Variants in ST7 observed in about 807,000 individuals in gnomAD.
ST7 encodes the protein suppressor of tumorigenicity 7 protein.
ST7 carries 28 observed loss-of-function variants against 78.7 expected under a neutral mutation model. That is an observed-to-expected ratio of 0.36 (90% CI 0.26 to 0.49). ST7 has a LOEUF of 0.49. Among genes scored for constraint, ST7 ranks in the 20% least tolerant of loss-of-function variants. The pLI, the probability that ST7 is intolerant of heterozygous loss-of-function variation, is 0.99. For missense variants in ST7, 418 were observed against 696.0 expected (o/e 0.60, Z 4.49); for synonymous variants, 247 against 249.6 (o/e 0.99, Z 0.10).
At chr7:117,164,198 C>T (rs1807368846) in intron 9 of ST7, among the ~76,000 whole-genome samples, 1 of 152,168 alleles carries the variant, frequency 6.6e-6, no homozygotes, top group South Asian at 2.1e-4. Flanking sequence ...CACATATCTA[C>T]AGCCAACTGA....
intron 12 of ST7, among the ~76,000 whole-genome samples, chr7:117,195,164 T>A (rs949381973): frequency 2.0e-4 from 30 of 152,018 alleles, no homozygotes; most frequent in Admixed American, 1.3e-4. Context: ...TAAAAAAAAA[T>A]TAGCATAGGG....
At chr7:117,208,534 C>T (rs1053095074) in intron 12 of ST7, among the ~76,000 whole-genome samples, 1 of 152,138 alleles carries the variant, frequency 6.6e-6, no homozygotes, top group Non-Finnish European at 1.5e-5. Context: ...ATGTGTTCTC[C>T]TGGCTCCTGC....
intron 1 of ST7, among the ~76,000 whole-genome samples, chr7:117,059,809 A>AG (rs1472705412): frequency 8.3e-5 from 12 of 143,852 alleles, no homozygotes; most frequent in African/African-American, 3.0e-4. Flanking sequence ...CATCTCTGCA[A>AG]AAAAAAAAAA....
intron 9 of ST7, among the ~76,000 whole-genome samples, chr7:117,149,354 G>A (rs751631535): frequency 3.0e-4 from 45 of 152,104 alleles, no homozygotes; most frequent in Non-Finnish European, 1.3e-4. Flanking sequence ...CTTTAAATCA[G>A]GTGGGCTGTC....
At chr7:117,151,386 C>G (rs1806235658) in intron 9 of ST7, among the ~76,000 whole-genome samples, 2 of 152,124 alleles carry the variant, frequency 1.3e-5, no homozygotes, top group South Asian at 4.1e-4. Context: ...TTGATCCTTT[C>G]TTAGGACCTT....
At chr7:117,192,704 C>T (rs1047770739) in intron 12 of ST7, among the ~76,000 whole-genome samples, 1 of 151,962 alleles carries the variant, frequency 6.6e-6, no homozygotes, top group Non-Finnish European at 1.5e-5. Context: ...CAGTACAGTA[C>T]TTGTTGGTTA....
At chr7:117,035,767 T>C (rs771839387) in intron 1 of ST7, among the ~76,000 whole-genome samples, 5 of 152,200 alleles carry the variant, frequency 3.3e-5, no homozygotes, top group Non-Finnish European at 7.3e-5. Flanking sequence ...ATTTCTCCTC[T>C]TCTTTGGCAT....
chr7:117,227,217 T>C (rs1757947061), intron 15 of ST7, among the ~76,000 whole-genome samples: 1 of 152,232 alleles, frequency 6.6e-6, no homozygotes, highest in Admixed American at 6.5e-5. Context: ...GTACAGACTT[T>C]GAGCGATGCC....
chr7:117,195,334 A>G lies in ST7; in HGVS notation c.1254+4398A>G, dbSNP rs575997623. On this transcript the variant is annotated intron_variant, in intron 12 of 15. Coordinates refer to ENST00000323984, the MANE Select transcript of ST7 (RefSeq NM_001369598.1). ...TTCAGACTCTTTTAAGGCAGTTTCTATAACTGGATACTTCTGTTTTGGATA... is the reference window on the plus strand; with the variant it reads ...TTCAGACTCTTTTAAGGCAGTTTCTGTAACTGGATACTTCTGTTTTGGATA... Among the ~76,000 whole-genome samples the G allele has an allele frequency of 7.2e-5, 11 of 152,282 alleles. No individual in the cohort carries two copies. The East Asian group carries it at 1.7e-3, about 24-fold the overall frequency.
At chr7:117,059,792 A>G (rs1013891306) in intron 1 of ST7, among the ~76,000 whole-genome samples, 2 of 146,114 alleles carry the variant, frequency 1.4e-5, no homozygotes, top group Non-Finnish European at 3.0e-5. Context: ...GCTACTTAGT[A>G]AGACTTCATC....
chr7:117,021,952 T>A (rs75285290), intron 1 of ST7, among the ~76,000 whole-genome samples: 12,652 of 152,258 alleles, frequency 0.083, 572 homozygotes, highest in East Asian at 0.13. Flanking sequence ...ATTTTGTTTA[T>A]GCAGGAGCCT....
At chr7:117,097,879 A>T (rs1290684459) in intron 1 of ST7, among the ~76,000 whole-genome samples, 21 of 11,762 alleles carry the variant, frequency 1.8e-3, no homozygotes, top group South Asian at 3.4e-3. Flanking sequence ...ATGACATATC[A>T]CTATATATAT....
intron 10 of ST7, among the ~76,000 whole-genome samples, chr7:117,174,218 C>G (rs1044709889): frequency 6.6e-6 from 1 of 152,130 alleles, no homozygotes; most frequent in Admixed American, 6.5e-5. Flanking sequence ...CTTGTATTTT[C>G]AATTTGTGAT....
chr7:116,961,896 C>A (rs1792852076), intron 1 of ST7, among the ~76,000 whole-genome samples: 1 of 151,938 alleles, frequency 6.6e-6, no homozygotes, highest in Non-Finnish European at 1.5e-5. Context: ...TTAACCCCTG[C>A]ATGCATTAGC....
chr7:116,995,946 C>T lies in ST7; in HGVS notation c.151+42255C>T, dbSNP rs1159222171. Among the ~76,000 whole-genome samples, 7 of 152,142 alleles carry T rather than the reference C, an allele frequency of 4.6e-5. No homozygotes were observed. In the South Asian group the frequency reaches 1.4e-3, roughly 32 times the overall value. ...GACCTGTGGGCTGCCAGCTTTTAATCTCTGCTACATGGCCATCTTGGATTT... is the reference window on the plus strand; with the variant it reads ...GACCTGTGGGCTGCCAGCTTTTAATTTCTGCTACATGGCCATCTTGGATTT... On this transcript the variant is annotated intron_variant, in intron 1 of 15. Coordinates refer to ENST00000323984, the MANE Select transcript of ST7 (RefSeq NM_001369598.1).
intron 9 of ST7, among the ~76,000 whole-genome samples, chr7:117,143,503 C>A (rs1342832780): frequency 1.3e-5 from 2 of 152,202 alleles, no homozygotes; most frequent in Non-Finnish European, 2.9e-5. Flanking sequence ...TACATTCAAT[C>A]TCAGAGTTTT....
chr7:117,096,475 A>G (rs1373107585), intron 1 of ST7, among the ~76,000 whole-genome samples: 2 of 152,198 alleles, frequency 1.3e-5, no homozygotes, highest in Non-Finnish European at 2.9e-5. Context: ...TCCTTTTCTA[A>G]TGAAAGGCTG....
chr7:117,093,656 G>A (rs866852637), intron 1 of ST7, among the ~76,000 whole-genome samples: 3 of 152,002 alleles, frequency 2.0e-5, no homozygotes, highest in Admixed American at 6.6e-5. Flanking sequence ...AGCCAAGATC[G>A]CACCACTGTA....
chr7:116,972,442 A>G lies in ST7; in HGVS notation c.151+18751A>G, dbSNP rs548125839. ...GTCCATCAGTCTGATCTGCTCATCC[A>G]TCTCTCGGCAACGGTACTCTGCCAG... On this transcript the variant is annotated intron_variant, in intron 1 of 15. Coordinates refer to ENST00000323984, the MANE Select transcript of ST7 (RefSeq NM_001369598.1). The G allele has an allele frequency of 4.5e-4, 339 of 749,834 alleles. 7 individuals are homozygous for G. The South Asian group carries it at 5.3e-3, about 12-fold the overall frequency. The allele number at this position is 749,834 out of a possible 1,614,324, so 46.4% of individuals were successfully genotyped here. A position where few individuals can be genotyped will look rare whatever the true frequency, so the allele number is the denominator to read the frequency against.
Sources: gnomAD v4.1 joint callset for allele counts (sites outside exome capture counted in the v4.1 genomes callset) on GRCh38, gnomAD v4.1.1 for gene constraint, MANE v1.5 for transcripts, NCBI Gene and HGNC (gene_info 2026-07-23, HGNC 2026-07-21) for gene names.